The following CALB1 variants were observed in gnomAD, a reference collection of about 807,000 sequenced individuals.
The protein encoded by CALB1 is calbindin.
In CALB1, 16 loss-of-function variants were observed where a neutral mutation model predicts 46.7. The ratio of observed to expected loss-of-function variants is 0.34; its 90% CI spans 0.23 to 0.52. The LOEUF (loss-of-function observed/expected upper bound fraction) is 0.52. CALB1 is among the 20% of genes least tolerant of loss of function. The pLI is 0.95. For synonymous variants in CALB1, 90 were observed against 112.8 expected, an observed-to-expected ratio of 0.80 and a Z score of 1.28; for missense variants, 224 against 300.3, an observed-to-expected ratio of 0.75 and a Z score of 1.88.
chr8:90,069,201 G>A lies in CALB1; in HGVS notation c.268C>T (p.Leu90=). ...HVLPTEENFL[L]LFRCQQLKSC... is the part of the protein sequence containing the mutation. ...TTCAGCTGCTGGCATCGGAAGAGCA[G>A]CAGGAAATTCTCTTCTGTGGGTAAT... The change falls in exon 4 of 11, where the codon CTG becomes TTG. Residue 90 remains leucine, a synonymous_variant. Transcript: ENST00000265431. The A allele has an allele frequency of 6.2e-7, 1 of 1,613,872 alleles. No homozygotes were observed. The highest frequency in any genetic ancestry group is 2.2e-5 in the East Asian group (1 of 44,878).
intron 3 of CALB1, among the ~76,000 whole-genome samples, chr8:90,077,861 C>A (rs1814647973): frequency 6.6e-6 from 1 of 152,004 alleles, no homozygotes; most frequent in Non-Finnish European, 1.5e-5. Flanking sequence ...TTTACGAAGG[C>A]CAACTGTCAA....
chr8:90,067,012 T>A (rs183598022), intron 5 of CALB1, among the ~76,000 whole-genome samples: 1 of 152,098 alleles, frequency 6.6e-6, no homozygotes, highest in Non-Finnish European at 1.5e-5. Context: ...TGATAAAAAT[T>A]TTTTACTTCA....
At chr8:90,060,564 C>T in intron 10 of CALB1, 65 bp downstream of exon 10, 1 of 1,196,426 alleles carries the variant, frequency 8.4e-7, no homozygotes, top group Non-Finnish European at 1.2e-6. Flanking sequence ...AATGGATGTG[C>T]TGTTGGTTTT....
chr8:90,075,411 T>G (rs1814606296), intron 3 of CALB1, among the ~76,000 whole-genome samples: 1 of 152,166 alleles, frequency 6.6e-6, no homozygotes, highest in African/African-American at 2.4e-5. Context: ...CCATCTTCCT[T>G]TCCCTTTGAA....
Position 90,082,015 on chromosome 8 carries a change from C to T in CALB1, c.156+11G>A. 1.2e-6 allele frequency: 2 copies of T among 1,610,722 alleles called. No homozygotes were observed. Among genetic ancestry groups the T allele is most frequent in the Non-Finnish European group, 1.7e-6 (2 of 1,178,080 alleles). On this transcript the variant is annotated intron_variant, in intron 2 of 10. Transcript: ENST00000265431. ...AAAGTCTTTTTTTCTTTTTCGCAAACTTGAACCTACCAATCCAGCCTTCTT... is the reference window on the plus strand; with the variant it reads ...AAAGTCTTTTTTTCTTTTTCGCAAATTTGAACCTACCAATCCAGCCTTCTT...
intron 6 of CALB1, among the ~76,000 whole-genome samples, chr8:90,065,496 A>G (rs1479018926): frequency 6.6e-6 from 1 of 151,808 alleles, no homozygotes; most frequent in Non-Finnish European, 1.5e-5. Flanking sequence ...TTCCCAAACT[A>G]TGATAAAAAT....
chr8:90,060,001 A>T lies in CALB1; in HGVS notation c.*172T>A. ...TCAATCATATGGTTACAAAAACTGTATATTACAAACAGTATAGAAACAAGC... is the reference window on the plus strand; with the variant it reads ...TCAATCATATGGTTACAAAAACTGTTTATTACAAACAGTATAGAAACAAGC... On this transcript the variant is annotated 3_prime_UTR_variant, in exon 11 of 11. Coordinates refer to ENST00000265431, the MANE Select transcript of CALB1 (RefSeq NM_004929.4). The T allele has an allele frequency of 1.9e-6, 1 of 537,678 alleles. No individual in the cohort carries two copies. The highest frequency in any genetic ancestry group is 3.1e-5 in the South Asian group (1 of 32,392). 33.3% of individuals were successfully genotyped at this position (537,678 alleles called of 1,614,324 possible). A position where few individuals can be genotyped will look rare whatever the true frequency, so the allele number is the denominator to read the frequency against.
chr8:90,069,264 C>A (rs1420569590), intron 3 of CALB1, 27 bp from the exon 4 acceptor site: 2 of 1,581,494 alleles, frequency 1.3e-6, no homozygotes, highest in East Asian at 2.2e-5. Context: ...AAGAGAGAAA[C>A]GTGTTGTAAG....
intron 10 of CALB1, 43 bp from the exon 11 acceptor site, chr8:90,060,329 A>T: frequency 8.6e-7 from 1 of 1,167,182 alleles, no homozygotes; most frequent in Non-Finnish European, 1.3e-6. Flanking sequence ...TTAAATATGG[A>T]AGTTAATTAA....
At chr8:90,074,430 G>C (rs1166485286) in intron 3 of CALB1, among the ~76,000 whole-genome samples, 1 of 152,156 alleles carries the variant, frequency 6.6e-6, no homozygotes, top group Non-Finnish European at 1.5e-5. Flanking sequence ...CAGATTTGAA[G>C]GCAGAGTCTG....
At chr8:90,071,422 G>A (rs980192994) in intron 3 of CALB1, among the ~76,000 whole-genome samples, 5 of 152,144 alleles carry the variant, frequency 3.3e-5, no homozygotes, top group East Asian at 3.9e-4. Flanking sequence ...AAGAGGAGAA[G>A]GGAGGGAGAA....
chr8:90,062,906 A>G, intron 9 of CALB1, 194 bp downstream of exon 9: 1 of 486,604 alleles, frequency 2.1e-6, no homozygotes, highest in Non-Finnish European at 3.6e-6. Context: ...GGGCTGGGGG[A>G]AGGAGAAATG....
chr8:90,075,983 G>C (rs982526662), intron 3 of CALB1, among the ~76,000 whole-genome samples: 7 of 151,912 alleles, frequency 4.6e-5, no homozygotes, highest in Non-Finnish European at 1.0e-4. Context: ...CGACCTTTTC[G>C]GGCTTCAGTT....
At position 90,060,651 on chromosome 8, in the gene CALB1, T is replaced by C. The variant is rs1196274556; in HGVS notation, c.650A>G (p.Asp217Gly). Residue 217 changes from aspartate to glycine, a missense_variant, in exon 10 of 11, where the codon GAT (aspartate) becomes GGT (glycine). Physicochemically the swap from Asp to Gly is moderately conservative, Grantham distance 94. Transcript: ENST00000265431. ...TACCTGTTTATTCTTCTCGCACAGA[T>C]CCTTCAGTAAAGCATCCAGTTCATT... The part of the protein sequence containing the change: ...DENELDALLK[D>G]LCEKNKQDLD... 6 of 1,613,714 alleles carry C rather than the reference T, an allele frequency of 3.7e-6. No individual in the cohort carries two copies. Among genetic ancestry groups the C allele is most frequent in the Non-Finnish European group, 5.1e-6 (6 of 1,179,744 alleles).
At position 90,078,402 on chromosome 8, in the gene CALB1, T is replaced by G; in HGVS notation, c.202A>C (p.Arg68=). 1 of 1,595,090 alleles carries G rather than the reference T, an allele frequency of 6.3e-7. No individual in the cohort carries two copies. Among genetic ancestry groups the G allele is most frequent in the Non-Finnish European group, 8.6e-7 (1 of 1,167,540 alleles). Residue 68 remains arginine (R), a synonymous_variant, in exon 3 of 11, where the codon AGA becomes CGA. Coordinates refer to ENST00000265431, the MANE Select transcript of CALB1 (RefSeq NM_004929.4). ...MKTFVDQYGQ[R]DDGKIGIVEL... ...ACAATTCCTATTTTTCCATCATCTC[T>G]TTGCCCATACTGATCCACAAAAGTT...
chr8:90,082,481 A>C, intron 1 of CALB1, 138 bp downstream of exon 1: 1 of 725,886 alleles, frequency 1.4e-6, no homozygotes, highest in Non-Finnish European at 2.4e-6. Context: ...GGAGATAAGA[A>C]GATAAGATTA....
At chr8:90,069,382 C>T (rs1814458985) in intron 3 of CALB1, 145 bp from the exon 4 acceptor site, 1 of 656,066 alleles carries the variant, frequency 1.5e-6, no homozygotes, top group South Asian at 1.8e-5. Flanking sequence ...TCGGCTTTCC[C>T]TTTCTGGTAC....
intron 3 of CALB1, among the ~76,000 whole-genome samples, chr8:90,072,395 C>G (rs953757269): frequency 1.9e-4 from 29 of 152,170 alleles, no homozygotes; most frequent in Non-Finnish European, 1.2e-4. Flanking sequence ...TTAAAAAATA[C>G]AGATTACATC....
chr8:90,061,431 A>C (rs2130216698), intron 9 of CALB1: 1 of 152,316 alleles, frequency 6.6e-6, no homozygotes, highest in East Asian at 1.9e-4. Flanking sequence ...TTGGAAAGAG[A>C]GAAGTTAAAT....
Sources: gnomAD v4.1 joint callset for allele counts (sites outside exome capture counted in the v4.1 genomes callset) on GRCh38, gnomAD v4.1.1 for gene constraint, MANE v1.5 for transcripts, NCBI Gene and HGNC (gene_info 2026-07-23, HGNC 2026-07-21) for gene names.